Variants in OR56A1 observed in about 807,000 individuals in gnomAD.
OR56A1 encodes olfactory receptor 56A1.
For missense variants in OR56A1, 360 were observed against 380.9 expected, an observed-to-expected ratio of 0.94 and a Z score of 0.46; for synonymous variants, 174 against 159.1, an observed-to-expected ratio of 1.09 and a Z score of -0.70.
Position 6,025,255 on chromosome 11 carries a change from A to G in OR56A1, c.*1493T>C, listed in dbSNP as rs1000898091. 1 of 152,276 alleles carries G rather than the reference A, an allele frequency of 6.6e-6. No homozygotes were observed. Among genetic ancestry groups the G allele is most frequent in the Non-Finnish European group, 1.5e-5 (1 of 68,122 alleles). The allele number at this position is 152,276 out of a possible 1,614,324, so 9.4% of individuals were successfully genotyped here. A position where few individuals can be genotyped will look rare whatever the true frequency, so the allele number is the denominator to read the frequency against. On this transcript the variant is annotated 3_prime_UTR_variant, in exon 2 of 2. Coordinates refer to ENST00000641900, the MANE Select transcript of OR56A1 (RefSeq NM_001388488.1). ...ACCCACATAAGATTGGAGCTGCGCCAGTTACTAACACTTATCTCTCAGTCC... is the reference window on the plus strand; with the variant it reads ...ACCCACATAAGATTGGAGCTGCGCCGGTTACTAACACTTATCTCTCAGTCC...
rs552466572 is a variant in OR56A1, at chr11:6,019,632, T to C, written c.*7116A>G. 6.6e-5 allele frequency: 10 copies of C among 152,080 alleles called. No homozygotes were observed. Among genetic ancestry groups the C allele is most frequent in the South Asian group, 2.1e-4 (1 of 4,830 alleles). 9.4% of individuals were successfully genotyped at this position (152,080 alleles called of 1,614,324 possible). ...ATCAGATCTTATGAGATTCATTCACTATCATGAGAATTATGGGTGCAGGAA... is the reference window on the plus strand; with the variant it reads ...ATCAGATCTTATGAGATTCATTCACCATCATGAGAATTATGGGTGCAGGAA... On this transcript the variant is annotated 3_prime_UTR_variant, in exon 2 of 2. Coordinates refer to ENST00000641900, the MANE Select transcript of OR56A1 (RefSeq NM_001388488.1).
chr11:6,030,529 T>C (rs1848502410), intron 1 of OR56A1, among the ~76,000 whole-genome samples, 173 bp downstream of exon 1: 1 of 151,962 alleles, frequency 6.6e-6, no homozygotes, highest in African/African-American at 2.4e-5. Flanking sequence ...AAGCAGGCAA[T>C]GCCATATATT....
rs1458340087 is a variant in OR56A1 at position 6,022,625 on chromosome 11, C to T, written c.*4123G>A. ...AAGAAGCAAAAATGGGTTTATGTAG[C>T]AAAATGCCTTACTTCTCAATTTTAA... On this transcript the variant is annotated 3_prime_UTR_variant, in exon 2 of 2. Transcript: ENST00000641900. The T allele has an allele frequency of 6.6e-6, 1 of 152,090 alleles. No homozygotes were observed. Among genetic ancestry groups the T allele is most frequent in the Non-Finnish European group, 1.5e-5 (1 of 67,996 alleles). The allele number at this position is 152,090 out of a possible 1,614,324, so 9.4% of individuals were successfully genotyped here.
At chr11:6,034,048 C>T (rs1848536453), upstream of OR56A1, among the ~76,000 whole-genome samples, 1 of 152,124 alleles carries the variant, frequency 6.6e-6, no homozygotes, top group Non-Finnish European at 1.5e-5. Context: ...TTCACTTGCA[C>T]TACATACCCT....
chr11:6,028,151 A>G (rs1406543387), intron 1 of OR56A1, among the ~76,000 whole-genome samples: 2 of 152,098 alleles, frequency 1.3e-5, no homozygotes, highest in Non-Finnish European at 2.9e-5. Flanking sequence ...TTTTTGTTAC[A>G]TCTCTTACCC....
chr11:6,028,486 A>C (rs916843822), intron 1 of OR56A1, among the ~76,000 whole-genome samples: 1 of 152,130 alleles, frequency 6.6e-6, no homozygotes, highest in South Asian at 2.1e-4. Flanking sequence ...TCAGAAGGTG[A>C]CATCAAATAC....
upstream of OR56A1, among the ~76,000 whole-genome samples, chr11:6,033,975 C>T (rs1298201871): frequency 6.6e-6 from 1 of 152,150 alleles, no homozygotes; most frequent in Non-Finnish European, 1.5e-5. Flanking sequence ...TCTCTATACC[C>T]TTTATCCCAT....
rs1473826593 is a variant in OR56A1, at chr11:6,019,907, G to T, written c.*6841C>A. 1 of 152,040 alleles carries T rather than the reference G, an allele frequency of 6.6e-6. No homozygotes were observed. The highest frequency in any genetic ancestry group is 6.6e-5 in the Admixed American group (1 of 15,258). The allele number at this position is 152,040 out of a possible 1,614,324, so 9.4% of individuals were successfully genotyped here. On this transcript the variant is annotated 3_prime_UTR_variant, in exon 2 of 2. Coordinates refer to ENST00000641900, the MANE Select transcript of OR56A1 (RefSeq NM_001388488.1). The stretch of plus-strand genomic sequence containing the variant: ...ATCCCTCTCTTGGCTCTATCCACAG[G>T]CAAACCAGCATTTACTTTTCCAGGG...
upstream of OR56A1, among the ~76,000 whole-genome samples, chr11:6,033,459 T>C (rs926497421): frequency 6.6e-6 from 1 of 151,316 alleles, no homozygotes; most frequent in Non-Finnish European, 1.5e-5. Flanking sequence ...TTGATGTGTA[T>C]TAATTTAATG....
At chr11:6,031,895 G>A (rs1157251819), upstream of OR56A1, among the ~76,000 whole-genome samples, 1 of 151,974 alleles carries the variant, frequency 6.6e-6, no homozygotes, top group African/African-American at 2.4e-5. Flanking sequence ...ACATTGAAGG[G>A]GTGGAAAAAG....
Position 6,027,309 on chromosome 11 carries a change from G to T in OR56A1, c.384C>A (p.Ala128=). The part of the protein sequence containing the change: ...FMVMAYDRYV[A]ICHPLRYPSI... Reference sequence around the variant, plus strand: ...ATGGGTACCGCAGTGGGTGGCAGATGGCCACATAACGGTCATAGGCCATGA... The same window carrying T: ...ATGGGTACCGCAGTGGGTGGCAGATTGCCACATAACGGTCATAGGCCATGA... Residue 128 remains alanine, a synonymous_variant, in exon 2 of 2, where the codon GCC becomes GCA. Transcript: ENST00000641900. 1.2e-6 allele frequency: 2 copies of T among 1,614,212 alleles called. No individual in the cohort carries two copies. The highest frequency in any genetic ancestry group is 2.2e-5 in the South Asian group (2 of 91,082).
At position 6,022,275 on chromosome 11, in the gene OR56A1, G is replaced by C. The variant is rs1848404807; in HGVS notation, c.*4473C>G. On this transcript the variant is annotated 3_prime_UTR_variant, in exon 2 of 2. Coordinates refer to ENST00000641900, the MANE Select transcript of OR56A1 (RefSeq NM_001388488.1). ...CTTTCTCTTTCTGGCTTGCCACCCA[G>C]ATTCAGAAGCACCAGTGAAGGTCTC... 6.6e-6 allele frequency: 1 copy of C among 152,070 alleles called. No individual in the cohort carries two copies. The highest frequency in any genetic ancestry group is 1.5e-5 in the Non-Finnish European group (1 of 68,000). 9.4% of individuals were successfully genotyped at this position (152,070 alleles called of 1,614,324 possible).
In OR56A1 at chr11:6,027,393, G is replaced by A; in HGVS notation, c.300C>T (p.Cys100=). 1 of 1,614,236 alleles carries A rather than the reference G, an allele frequency of 6.2e-7. No individual in the cohort carries two copies. Among genetic ancestry groups the A allele is most frequent in the Non-Finnish European group, 8.5e-7 (1 of 1,180,042 alleles). Residue 100 remains cysteine (C), a synonymous_variant, in exon 2 of 2, where the codon TGC becomes TGT. Coordinates refer to ENST00000641900, the MANE Select transcript of OR56A1 (RefSeq NM_001388488.1). ...YDLRSISFPA[C]FLQMFIMNSF... ...TGTTCATGATGAACATCTGGAGGAA[G>A]CAGGCAGGGAAGCTGATCGACCTAA...
rs1167292028 is a variant in OR56A1, at chr11:6,026,814, A to G, written c.879T>C (p.Ile293=). The G allele has an allele frequency of 6.2e-6, 10 of 1,613,696 alleles. No homozygotes were observed. Among genetic ancestry groups the G allele is most frequent in the Non-Finnish European group, 8.5e-6 (10 of 1,179,706 alleles). Residue 293 remains isoleucine (I), a synonymous_variant, in exon 2 of 2, where the codon ATT becomes ATC. Coordinates refer to ENST00000641900, the MANE Select transcript of OR56A1 (RefSeq NM_001388488.1). ...HHLIPPALNP[I]VYGVRTKEIK... is the part of the protein sequence containing the mutation. The stretch of plus-strand genomic sequence containing the variant: ...TCTCTTTGGTCCGAACCCCATACAC[A>G]ATAGGGTTCAATGCAGGAGGAATAA...
rs977722068 is a variant in OR56A1 at position 6,021,686 on chromosome 11, G to A, written c.*5062C>T. ...TAATAAAGGCACATTTAGGATAATGGGAACATTAATAAAGGCACAAACCCC... is the reference window on the plus strand; with the variant it reads ...TAATAAAGGCACATTTAGGATAATGAGAACATTAATAAAGGCACAAACCCC... On this transcript the variant is annotated 3_prime_UTR_variant, in exon 2 of 2. Coordinates refer to ENST00000641900, the MANE Select transcript of OR56A1 (RefSeq NM_001388488.1). 6.6e-6 allele frequency: 1 copy of A among 151,408 alleles called. No individual in the cohort carries two copies. Among genetic ancestry groups the A allele is most frequent in the Admixed American group, 6.6e-5 (1 of 15,204 alleles). The allele number at this position is 151,408 out of a possible 1,614,324, so 9.4% of individuals were successfully genotyped here.
At position 6,022,532 on chromosome 11, in the gene OR56A1, GA is replaced by G. The variant is rs1206967722; in HGVS notation, c.*4215del. The stretch of plus-strand genomic sequence containing the variant: ...CTTTGATATCTATAATCTGGAGTAT[GA>G]AAAACTTAGGAAACTACAAAGCTAT... On this transcript the variant is annotated 3_prime_UTR_variant, in exon 2 of 2. Transcript: ENST00000641900. The G allele has an allele frequency of 6.6e-6, 1 of 152,066 alleles. No individual in the cohort carries two copies. The highest frequency in any genetic ancestry group is 2.4e-5 in the African/African-American group (1 of 41,396). The allele number at this position is 152,066 out of a possible 1,614,324, so 9.4% of individuals were successfully genotyped here.
At chr11:6,030,421 G>T (rs531645732) in intron 1 of OR56A1, among the ~76,000 whole-genome samples, 1 of 151,866 alleles carries the variant, frequency 6.6e-6, no homozygotes, top group Non-Finnish European at 1.5e-5. Context: ...TATAAACAGG[G>T]TATAGATAGA....
upstream of OR56A1, among the ~76,000 whole-genome samples, chr11:6,032,836 T>C (rs529392925): frequency 9.5e-4 from 144 of 152,250 alleles, no homozygotes; most frequent in Non-Finnish European, 1.7e-3. Flanking sequence ...AATGATCCAC[T>C]TGCTCCTAAT....
chr11:6,024,143 A>G lies in OR56A1; in HGVS notation c.*2605T>C, dbSNP rs1848423926. 1 of 152,030 alleles carries G rather than the reference A, an allele frequency of 6.6e-6. No homozygotes were observed. Among genetic ancestry groups the G allele is most frequent in the Admixed American group, 6.6e-5 (1 of 15,262 alleles). 9.4% of individuals were successfully genotyped at this position (152,030 alleles called of 1,614,324 possible). On this transcript the variant is annotated 3_prime_UTR_variant, in exon 2 of 2. Coordinates refer to ENST00000641900, the MANE Select transcript of OR56A1 (RefSeq NM_001388488.1). ...GATTAAAGATAGACATGATTTTTCA[A>G]CTCTTCTTTTAGCCAATTCAATATC... is the stretch of plus-strand genomic sequence containing the variant.
Sources: gnomAD v4.1 joint callset for allele counts (sites outside exome capture counted in the v4.1 genomes callset) on GRCh38, gnomAD v4.1.1 for gene constraint, MANE v1.5 for transcripts, NCBI Gene and HGNC (gene_info 2026-07-23, HGNC 2026-07-21) for gene names.